NOX4: variants seen among roughly 807,000 people sequenced by gnomAD.
NOX4 encodes the protein kidney oxidase-1.
A neutral mutation model predicts 87.6 loss-of-function variants in NOX4; 69 were observed. The ratio of observed to expected loss-of-function variants is 0.79; its 90% CI spans 0.65 to 0.96. The LOEUF (loss-of-function observed/expected upper bound fraction) is 0.96. Among genes scored for constraint, NOX4 ranks in the 40% least tolerant of loss-of-function variants. The pLI is 0.00. For synonymous variants in NOX4, 275 were observed against 238.2 expected, an observed-to-expected ratio of 1.15 and a Z score of -1.42; for missense variants, 680 against 681.5, an observed-to-expected ratio of 1.00 and a Z score of 0.02.
At chr11:89,401,974 T>C (rs1188493543) in intron 9 of NOX4, among the ~76,000 whole-genome samples, 1 of 151,986 alleles carries the variant, frequency 6.6e-6, no homozygotes, top group African/African-American at 2.4e-5. Flanking sequence ...AAATAATAAT[T>C]TGTGGTATTG....
At chr11:89,458,559 A>G (rs1297025631) in intron 2 of NOX4, among the ~76,000 whole-genome samples, 1 of 152,222 alleles carries the variant, frequency 6.6e-6, no homozygotes, top group African/African-American at 2.4e-5. Context: ...TGCATATGAC[A>G]AAGACCTAGT....
the NOX4 span, among the ~76,000 whole-genome samples, chr11:89,556,571 C>T: frequency 6.6e-6 from 1 of 151,896 alleles, no homozygotes; most frequent in Non-Finnish European, 1.5e-5. Flanking sequence ...CCTACATCTT[C>T]AGGAGTAATA....
chr11:89,531,024 C>T, the NOX4 span, among the ~76,000 whole-genome samples: 18 of 152,262 alleles, frequency 1.2e-4, no homozygotes, highest in Admixed American at 3.3e-4. Context: ...GACTCTGTGA[C>T]GCTCCCTTGT....
chr11:89,547,146 A>G, the NOX4 span, among the ~76,000 whole-genome samples: 1 of 152,094 alleles, frequency 6.6e-6, no homozygotes, highest in Non-Finnish European at 1.5e-5. Context: ...CTTTCCCCAA[A>G]TGACCCCTAC....
intron 2 of NOX4, among the ~76,000 whole-genome samples, chr11:89,480,310 A>G (rs1047656062): frequency 1.3e-5 from 2 of 152,142 alleles, no homozygotes; most frequent in African/African-American, 4.8e-5. Flanking sequence ...GTCCAGGGGA[A>G]CAATGTCATG....
the NOX4 span, among the ~76,000 whole-genome samples, chr11:89,519,276 A>T: frequency 6.6e-6 from 1 of 152,164 alleles, no homozygotes; most frequent in South Asian, 2.1e-4. Context: ...TTGTATTTTT[A>T]AATTTTAATT....
the NOX4 span, among the ~76,000 whole-genome samples, chr11:89,525,067 T>C: frequency 9.2e-5 from 14 of 152,214 alleles, no homozygotes; most frequent in African/African-American, 2.9e-4. Flanking sequence ...TATATGAATA[T>C]AATGCATGAT....
At chr11:89,428,748 A>T (rs373272766) in intron 7 of NOX4, among the ~76,000 whole-genome samples, 2 of 152,140 alleles carry the variant, frequency 1.3e-5, no homozygotes, top group East Asian at 1.9e-4. Context: ...AGACTTAGAC[A>T]ACCACACAAT....
intron 7 of NOX4, among the ~76,000 whole-genome samples, chr11:89,426,142 T>A (rs543827083): frequency 4.6e-4 from 70 of 152,308 alleles, no homozygotes; most frequent in African/African-American, 1.6e-3. Flanking sequence ...TTTTAGCAGA[T>A]GCAAACAAAC....
At chr11:89,457,290 T>A (rs1591304822) in intron 2 of NOX4, among the ~76,000 whole-genome samples, 1 of 152,168 alleles carries the variant, frequency 6.6e-6, no homozygotes, top group African/African-American at 2.4e-5. Flanking sequence ...CCTGTTACCC[T>A]TCCACCAACA....
the NOX4 span, among the ~76,000 whole-genome samples, chr11:89,578,318 C>T: frequency 4.6e-5 from 7 of 151,988 alleles, no homozygotes; most frequent in South Asian, 2.1e-4. Flanking sequence ...CATGCCACCA[C>T]GCCCAGCTAA....
intron 8 of NOX4, among the ~76,000 whole-genome samples, chr11:89,411,647 T>C (rs1427084638): frequency 6.6e-6 from 1 of 151,112 alleles, no homozygotes; most frequent in Non-Finnish European, 1.5e-5. Flanking sequence ...TAACCACAAA[T>C]CAGAAAACAT....
intron 11 of NOX4, among the ~76,000 whole-genome samples, chr11:89,392,896 T>C (rs749909646): frequency 1.1e-4 from 17 of 152,216 alleles, no homozygotes; most frequent in South Asian, 2.1e-4. Flanking sequence ...TTTAGCAGAA[T>C]CCTCATAACA....
At chr11:89,392,818 G>A (rs1328691406) in intron 11 of NOX4, among the ~76,000 whole-genome samples, 6 of 152,106 alleles carry the variant, frequency 3.9e-5, no homozygotes, top group African/African-American at 1.4e-4. Context: ...AATTTTCATG[G>A]AATTCCAAAA....
At chr11:89,482,874 G>T (rs1946447645) in intron 2 of NOX4, among the ~76,000 whole-genome samples, 1 of 152,064 alleles carries the variant, frequency 6.6e-6, no homozygotes, top group Non-Finnish European at 1.5e-5. Context: ...CAACAGTAGA[G>T]AATTGCAGGT....
chr11:89,477,579 A>G (rs1451098946), intron 2 of NOX4, among the ~76,000 whole-genome samples: 1 of 152,168 alleles, frequency 6.6e-6, no homozygotes, highest in Non-Finnish European at 1.5e-5. Context: ...ATGAATGAAG[A>G]AGAAAGTAAA....
chr11:89,507,774 T>C, the NOX4 span, among the ~76,000 whole-genome samples: 21 of 152,080 alleles, frequency 1.4e-4, no homozygotes, highest in African/African-American at 5.1e-4. Context: ...AAATATTAGA[T>C]AATTCAAAGT....
chr11:89,500,073 A>C (rs1565360284), upstream of NOX4, among the ~76,000 whole-genome samples: 1 of 152,148 alleles, frequency 6.6e-6, no homozygotes, highest in East Asian at 1.9e-4. Flanking sequence ...AATGTATTCT[A>C]TTATGTGTTG....
intron 2 of NOX4, among the ~76,000 whole-genome samples, chr11:89,459,762 C>G (rs1422113656): frequency 6.6e-6 from 1 of 152,120 alleles, no homozygotes; most frequent in Non-Finnish European, 1.5e-5. Flanking sequence ...TCACTGCCAT[C>G]CCCATCAAGT....
Sources: gnomAD v4.1 joint callset for allele counts (sites outside exome capture counted in the v4.1 genomes callset) on GRCh38, gnomAD v4.1.1 for gene constraint, MANE v1.5 for transcripts, NCBI Gene and HGNC (gene_info 2026-07-23, HGNC 2026-07-21) for gene names.